Variants in RYR2 observed in about 807,000 individuals in gnomAD.
RYR2 encodes ryanodine receptor 2.
RYR2 carries 227 observed loss-of-function variants against 601.1 expected under a neutral mutation model. The observed-to-expected ratio is 0.38, with a 90% confidence interval of 0.34 to 0.42. The LOEUF is 0.42. Ranked by LOEUF, RYR2 falls within the 10% of genes least tolerant of loss-of-function variation. The pLI is 1.00. For missense variants in RYR2, 4,646 were observed against 6,156.5 expected, an observed-to-expected ratio of 0.75 and a Z score of 8.21; for synonymous variants, 2,223 against 2,175.1, an observed-to-expected ratio of 1.02 and a Z score of -0.61.
chr1:237,218,107 A>G (rs1683388846), intron 1 of RYR2, among the ~76,000 whole-genome samples: 1 of 152,228 alleles, frequency 6.6e-6, no homozygotes, highest in Non-Finnish European at 1.5e-5. Flanking sequence ...CCATTCAGGA[A>G]ACATCAATAA....
chr1:237,290,210 A>G (rs1472920252), intron 2 of RYR2, among the ~76,000 whole-genome samples: 1 of 152,244 alleles, frequency 6.6e-6, no homozygotes, highest in Non-Finnish European at 1.5e-5. Context: ...CTGTGCAACA[A>G]CATGGATGCA....
At chr1:237,604,015 A>G (rs1370579063) in intron 35 of RYR2, among the ~76,000 whole-genome samples, 1 of 152,216 alleles carries the variant, frequency 6.6e-6, no homozygotes, top group Non-Finnish European at 1.5e-5. Flanking sequence ...CATATCAACG[A>G]GACAGAAAGT....
chr1:237,120,233 A>T (rs1385204246), intron 1 of RYR2, among the ~76,000 whole-genome samples: 1 of 152,204 alleles, frequency 6.6e-6, no homozygotes, highest in Non-Finnish European at 1.5e-5. Context: ...ACGTGGCCTG[A>T]CACACGGTAA....
At chr1:237,814,816 A>T (rs1661617489) in intron 100 of RYR2, among the ~76,000 whole-genome samples, 1 of 152,008 alleles carries the variant, frequency 6.6e-6, no homozygotes, top group Non-Finnish European at 1.5e-5. Flanking sequence ...GCACTTTGGG[A>T]AAAATAGCTT....
At chr1:237,765,229 C>A (rs552131788) in intron 84 of RYR2, among the ~76,000 whole-genome samples, 3 of 152,114 alleles carry the variant, frequency 2.0e-5, no homozygotes, top group African/African-American at 4.8e-5. Flanking sequence ...TTATCAGAAC[C>A]ATTAACCCCA....
intron 10 of RYR2, among the ~76,000 whole-genome samples, chr1:237,390,222 G>T (rs151253498): frequency 3.3e-3 from 488 of 146,492 alleles, no homozygotes; most frequent in Non-Finnish European, 4.9e-3. Flanking sequence ...TTAAATGGAA[G>T]ACAGACTAAG....
At chr1:237,068,818 C>G (rs965437938) in intron 1 of RYR2, among the ~76,000 whole-genome samples, 6 of 152,152 alleles carry the variant, frequency 3.9e-5, no homozygotes, top group African/African-American at 1.2e-4. Context: ...CTTCCCTTTA[C>G]TGTTTTTAGA....
chr1:237,760,577 T>C (rs192681631), intron 83 of RYR2, among the ~76,000 whole-genome samples: 1 of 152,156 alleles, frequency 6.6e-6, no homozygotes, highest in African/African-American at 2.4e-5. Context: ...TTTTTCAAGA[T>C]TTAAAATCAT....
chr1:237,639,016 G>C lies in RYR2; in HGVS notation c.6930G>C (p.Gly2310=), dbSNP rs746912707. ...DFLRFAVFCN[G]ESVEENANVV... Reference sequence around the variant, plus strand: ...CTTATCTTCCCCATTCTACTTTAGGGGAGAGTGTGGAGGAAAATGCAAATG... The same window carrying C: ...CTTATCTTCCCCATTCTACTTTAGGCGAGAGTGTGGAGGAAAATGCAAATG... The change falls in exon 46 of 105, where the codon GGG becomes GGC. Residue 2310 remains glycine, a splice_region_variant and synonymous_variant. Transcript: ENST00000366574. 6.2e-7 allele frequency: 1 copy of C among 1,613,624 alleles called. No homozygotes were observed. The highest frequency in any genetic ancestry group is 2.2e-5 in the East Asian group (1 of 44,860).
intron 25 of RYR2, among the ~76,000 whole-genome samples, chr1:237,542,196 C>T (rs565660618): frequency 2.6e-5 from 4 of 152,156 alleles, no homozygotes; most frequent in South Asian, 2.1e-4. Flanking sequence ...CGGGTTCAAG[C>T]GATTCTCCTG....
At chr1:237,236,408 G>A (rs925919630) in intron 1 of RYR2, among the ~76,000 whole-genome samples, 2 of 152,158 alleles carry the variant, frequency 1.3e-5, no homozygotes, top group Non-Finnish European at 2.9e-5. Context: ...TAAAATCTAT[G>A]TCCAAAGAGT....
At position 237,452,075 on chromosome 1, in the gene RYR2, TTTTGTG is replaced by T. The variant is rs1027798571; in HGVS notation, c.1293-2314_1293-2309del. ...CCTGGGGTGGGGAATATATATAAAA[TTTTGTG>T]TGTGTGTGTGTGTGTGTGTGTGTGT... On this transcript the variant is annotated intron_variant, in intron 14 of 104. Transcript: ENST00000366574. 3.9e-4 allele frequency among the ~76,000 whole-genome samples: 3 copies of T among 7,736 alleles called. No individual in the cohort carries two copies. The Admixed American group carries it at 5.3e-3, about 14-fold the overall frequency. The allele number at this position is 7,736 out of a possible 152,430, so 5.1% of individuals were successfully genotyped here.
chr1:237,630,996 C>A (rs112202663), intron 41 of RYR2, among the ~76,000 whole-genome samples: 190 of 152,062 alleles, frequency 1.2e-3, no homozygotes, highest in Non-Finnish European at 2.4e-3. Context: ...GAATGTAATA[C>A]TAACAACAGC....
chr1:237,370,109 A>G (rs925237488), intron 6 of RYR2, among the ~76,000 whole-genome samples: 7 of 151,842 alleles, frequency 4.6e-5, no homozygotes, highest in Admixed American at 6.6e-5. Flanking sequence ...CAGTTTTCTT[A>G]TTCTTTGCCT....
chr1:237,210,098 T>C (rs982976756), intron 1 of RYR2, among the ~76,000 whole-genome samples: 3 of 148,178 alleles, frequency 2.0e-5, no homozygotes, highest in Non-Finnish European at 3.0e-5. Flanking sequence ...TTCATTTTTC[T>C]GTGTATCTGC....
intron 24 of RYR2, among the ~76,000 whole-genome samples, chr1:237,516,141 C>T (rs1041111172): frequency 5.3e-5 from 8 of 152,068 alleles, no homozygotes; most frequent in Non-Finnish European, 8.8e-5. Flanking sequence ...GAAGGAGTCT[C>T]GCTCTGTTGC....
chr1:237,201,846 C>T (rs900002114), intron 1 of RYR2, among the ~76,000 whole-genome samples: 6 of 152,036 alleles, frequency 3.9e-5, no homozygotes, highest in African/African-American at 4.8e-5. Flanking sequence ...TGGAAGGTGA[C>T]GTATATTCAG....
intron 27 of RYR2, among the ~76,000 whole-genome samples, chr1:237,565,187 CTTTCTT>C (rs1559035965): frequency 1.7e-4 from 12 of 70,202 alleles, no homozygotes; most frequent in African/African-American, 5.5e-4. Context: ...TTCTTTCTTT[CTTTCTT>C]TCTTTCTTTC....
At chr1:237,273,750 A>G (rs1410244124) in intron 2 of RYR2, among the ~76,000 whole-genome samples, 2 of 151,534 alleles carry the variant, frequency 1.3e-5, no homozygotes, top group Non-Finnish European at 2.9e-5. Context: ...GAACTAAGAA[A>G]TAGTAATCAA....
Sources: allele counts gnomAD v4.1 joint callset (sites outside exome capture counted in the v4.1 genomes callset), GRCh38; gene constraint gnomAD v4.1.1; transcripts MANE v1.5; gene names NCBI Gene and HGNC (gene_info 2026-07-23, HGNC 2026-07-21).